The following TMEM238L variants were observed in gnomAD, a reference collection of about 807,000 sequenced individuals.
TMEM238L encodes transmembrane protein 238 like.
At chr17:10,800,199 T>G (rs1904695060) in intron 1 of TMEM238L, among the ~76,000 whole-genome samples, 1 of 152,180 alleles carries the variant, frequency 6.6e-6, no homozygotes, top group South Asian at 2.1e-4. Context: ...CCCAAAGTGC[T>G]GGGATTACAG....
intron 1 of TMEM238L, among the ~76,000 whole-genome samples, chr17:10,802,128 A>G (rs1171482719): frequency 6.6e-6 from 1 of 152,160 alleles, no homozygotes; most frequent in African/African-American, 2.4e-5. Flanking sequence ...AGTGCCTGAC[A>G]CATTCCAACA....
At chr17:10,795,537 A>G (rs1293523070) in exon 2 of TMEM238L, 1 of 152,266 alleles carries the variant, frequency 6.6e-6, no homozygotes, top group Non-Finnish European at 1.5e-5. Flanking sequence ...AGAAATAGCA[A>G]CAATCCTGCT....
At chr17:10,796,116 C>T (rs960595853) in intron 1 of TMEM238L, among the ~76,000 whole-genome samples, 168 bp from the exon 2 acceptor site, 9 of 152,234 alleles carry the variant, frequency 5.9e-5, no homozygotes, top group Non-Finnish European at 1.0e-4. Context: ...CCTGAAACCA[C>T]ATGAGACTCA....
At chr17:10,803,301 C>T (rs1017921283) in intron 1 of TMEM238L, among the ~76,000 whole-genome samples, 8 of 152,128 alleles carry the variant, frequency 5.3e-5, no homozygotes, top group South Asian at 4.2e-4. Flanking sequence ...CCCCAAGTTC[C>T]GAGGTAAAGG....
At chr17:10,801,214 C>A (rs1461173520) in intron 1 of TMEM238L, among the ~76,000 whole-genome samples, 2 of 152,146 alleles carry the variant, frequency 1.3e-5, no homozygotes, top group Non-Finnish European at 2.9e-5. Context: ...CTGCGCCCGG[C>A]TAATTTTTTG....
intron 1 of TMEM238L, among the ~76,000 whole-genome samples, chr17:10,800,999 A>T (rs971907232): frequency 6.6e-6 from 1 of 151,500 alleles, no homozygotes; most frequent in African/African-American, 2.4e-5. Context: ...CACAGGTCCA[A>T]TTATGTTAAG....
chr17:10,799,208 T>C (rs1904656331), intron 1 of TMEM238L, among the ~76,000 whole-genome samples: 1 of 152,208 alleles, frequency 6.6e-6, no homozygotes, highest in South Asian at 2.1e-4. Context: ...TAATTTTTTA[T>C]TTTTTGGGGG....
chr17:10,795,328 G>A (rs957715320), exon 2 of TMEM238L: 4 of 152,266 alleles, frequency 2.6e-5, no homozygotes, highest in Admixed American at 1.3e-4. Context: ...CTGTGCAAAG[G>A]AGTGGGGCTC....
chr17:10,798,928 A>AT, intron 1 of TMEM238L, among the ~76,000 whole-genome samples: 1 of 152,160 alleles, frequency 6.6e-6, no homozygotes, highest in East Asian at 1.9e-4. Context: ...CAAAAAAAAA[A>AT]ATCTGAAAAT....
chr17:10,798,561 G>A (rs567388093), intron 1 of TMEM238L, among the ~76,000 whole-genome samples: 2 of 152,274 alleles, frequency 1.3e-5, no homozygotes, highest in South Asian at 4.1e-4. Context: ...CAAGGCTCAA[G>A]GCTGTTAGCC....
chr17:10,801,197 C>T (rs1331879231), intron 1 of TMEM238L, among the ~76,000 whole-genome samples: 2 of 152,176 alleles, frequency 1.3e-5, no homozygotes, highest in Admixed American at 6.5e-5. Context: ...ATTACAGGCG[C>T]CTGCCACTGC....
At chr17:10,803,790 G>C (rs1904817980) in exon 1 of TMEM238L, 1 of 399,528 alleles carries the variant, frequency 2.5e-6, no homozygotes. Flanking sequence ...AGAGCAGTAG[G>C]CTGAGAGCCA....
chr17:10,801,349 C>T (rs1237689953), intron 1 of TMEM238L, among the ~76,000 whole-genome samples: 1 of 152,184 alleles, frequency 6.6e-6, no homozygotes, highest in Non-Finnish European at 1.5e-5. Flanking sequence ...TCAGTGGATT[C>T]TTATTGTTCT....
At chr17:10,798,845 A>T (rs1904641581) in intron 1 of TMEM238L, among the ~76,000 whole-genome samples, 1 of 152,064 alleles carries the variant, frequency 6.6e-6, no homozygotes, top group Non-Finnish European at 1.5e-5. Flanking sequence ...AAAAAAGGAC[A>T]AGAGTCTTCA....
intron 1 of TMEM238L, among the ~76,000 whole-genome samples, chr17:10,799,522 G>A (rs1904667641): frequency 6.6e-6 from 1 of 152,170 alleles, no homozygotes; most frequent in Admixed American, 6.5e-5. Context: ...CAGAGCCTCT[G>A]AAGGCTGAGC....
chr17:10,802,207 ATCAC>A (rs1904766346), intron 1 of TMEM238L, among the ~76,000 whole-genome samples: 1 of 152,182 alleles, frequency 6.6e-6, no homozygotes, highest in African/African-American at 2.4e-5. Context: ...GTTGACCCCC[ATCAC>A]TACCAATTTG....
rs1362628916 is a variant in TMEM238L, at chr17:10,803,779, CAG to C, written c.183_184del (p.Trp62AspfsTer9). On this transcript the variant is annotated frameshift_variant, in exon 1 of 2. Transcript: ENST00000581851. LOFTEE classifies it high-confidence loss of function. ...AATGTTGAGGGAATACCAGATGATCCAGAGCAGTAGGCTGAGAGCCAGGATCA... is the reference window on the plus strand; with the variant it reads ...AATGTTGAGGGAATACCAGATGATCCAGCAGTAGGCTGAGAGCCAGGATCA... 10 of 399,532 alleles carry C rather than the reference CAG, an allele frequency of 2.5e-5. No homozygotes were observed. Among genetic ancestry groups the C allele is most frequent in the Non-Finnish European group, 4.4e-5 (10 of 226,332 alleles). 24.7% of individuals were successfully genotyped at this position (399,532 alleles called of 1,614,324 possible).
intron 1 of TMEM238L, among the ~76,000 whole-genome samples, chr17:10,800,818 C>T (rs1455630168): frequency 2.0e-5 from 3 of 152,174 alleles, no homozygotes; most frequent in East Asian, 1.9e-4. Context: ...TGCTCTTCAA[C>T]GCCGGGCTAT....
chr17:10,797,403 CCCTTCCTT>C (rs75503931), intron 1 of TMEM238L, among the ~76,000 whole-genome samples: 78 of 86,912 alleles, frequency 9.0e-4, no homozygotes, highest in South Asian at 2.2e-3. Flanking sequence ...CTCCCTCCCT[CCCTTCCTT>C]CCTTCCTTCC....
Sources: gnomAD v4.1 joint callset for allele counts (sites outside exome capture counted in the v4.1 genomes callset) on GRCh38, gnomAD v4.1.1 for gene constraint, MANE v1.5 for transcripts, NCBI Gene and HGNC (gene_info 2026-07-23, HGNC 2026-07-21) for gene names.